Variants in SLC22A23 observed in about 807,000 individuals in gnomAD.
SLC22A23 encodes ion transporter protein.
A neutral mutation model predicts 61.0 loss-of-function variants in SLC22A23; 26 were observed. That is an observed-to-expected ratio of 0.43 (90% CI 0.31 to 0.59). The LOEUF (loss-of-function observed/expected upper bound fraction) is 0.59, where lower values mean the gene tolerates loss of function less well. Among genes scored for constraint, SLC22A23 ranks in the 20% least tolerant of loss-of-function variants. The probability of loss-of-function intolerance (pLI) is 0.11; values close to 1 mark genes in which losing one functional copy is unlikely to be tolerated. For missense variants in SLC22A23, 796 were observed against 934.7 expected (o/e 0.85, Z 1.94); for synonymous variants, 430 against 413.9 (o/e 1.04, Z -0.47).
At chr6:3,412,345 A>T (rs766791943) in intron 2 of SLC22A23, among the ~76,000 whole-genome samples, 17 of 152,328 alleles carry the variant, frequency 1.1e-4, no homozygotes, top group Non-Finnish European at 8.8e-5. Context: ...CTTCTGAACT[A>T]TGTGACCTTG....
intron 3 of SLC22A23, among the ~76,000 whole-genome samples, chr6:3,341,779 G>A (rs1168968466): frequency 2.6e-5 from 4 of 151,980 alleles, no homozygotes; most frequent in African/African-American, 9.7e-5. Flanking sequence ...CAAGCGAGGG[G>A]GGTGGGGGCG....
chr6:3,444,647 T>A (rs1263068609), intron 1 of SLC22A23, among the ~76,000 whole-genome samples: 20 of 152,210 alleles, frequency 1.3e-4, no homozygotes. Context: ...AGGCCTTGGC[T>A]ACCCAGGAAG....
intron 1 of SLC22A23, chr6:3,439,207 G>A: frequency 2.7e-6 from 1 of 370,820 alleles, no homozygotes; most frequent in East Asian, 7.7e-5. Context: ...GGCGCCAGTA[G>A]CACCCTCCCC....
intron 3 of SLC22A23, among the ~76,000 whole-genome samples, chr6:3,351,062 G>A (rs941052552): frequency 2.0e-5 from 3 of 152,060 alleles, no homozygotes; most frequent in Non-Finnish European, 4.4e-5. Flanking sequence ...AGGCCAGGCC[G>A]ATTTGAACAA....
intron 3 of SLC22A23, among the ~76,000 whole-genome samples, chr6:3,396,121 T>G (rs1213186687): frequency 2.6e-5 from 4 of 152,182 alleles, no homozygotes; most frequent in Admixed American, 2.6e-4. Context: ...GCTCCATCTC[T>G]TAGTGATATA....
At position 3,328,294 on chromosome 6, in the gene SLC22A23, C is replaced by G. The variant is rs1411460310; in HGVS notation, c.914-4292G>C. 6.6e-6 allele frequency among the ~76,000 whole-genome samples: 1 copy of G among 152,028 alleles called. No homozygotes were observed. Among genetic ancestry groups the G allele is most frequent in the Non-Finnish European group, 1.5e-5 (1 of 68,018 alleles). On this transcript the variant is annotated intron_variant, in intron 3 of 9. Transcript: ENST00000406686. This position sits in a 1 kb window ranked among gnomAD's most constrained non-coding sequence, Gnocchi z 5.0. ...TGACTAAGTCTGAGCACAGAGGCCG[C>G]CCGGAGGCTTTGATAGAAAAGTGGC...
At chr6:3,315,449 G>A (rs1428257256) in intron 4 of SLC22A23, among the ~76,000 whole-genome samples, 2 of 152,154 alleles carry the variant, frequency 1.3e-5, no homozygotes, top group Non-Finnish European at 2.9e-5. Flanking sequence ...TCTGCTGTCC[G>A]AGATGGTCAA....
rs895963492 is a variant in SLC22A23, at chr6:3,342,797, CA to C, written c.914-18796del. The stretch of plus-strand genomic sequence containing the variant: ...GCTTGGGGCCTGTGAATTAAACTGA[CA>C]AAAGACAGGCTGGCAAGAGGAAAGA... On this transcript the variant is annotated intron_variant, in intron 3 of 9. Coordinates refer to ENST00000406686, the MANE Select transcript of SLC22A23 (RefSeq NM_015482.2). The surrounding 1 kb of genome is among the most constrained non-coding windows in gnomAD (Gnocchi z 4.0). Among the ~76,000 whole-genome samples, 1 of 152,138 alleles carries C rather than the reference CA, an allele frequency of 6.6e-6. No homozygotes were observed. The highest frequency in any genetic ancestry group is 2.4e-5 in the African/African-American group (1 of 41,412).
chr6:3,355,186 A>T (rs1171598831), intron 3 of SLC22A23, among the ~76,000 whole-genome samples: 2 of 137,488 alleles, frequency 1.5e-5, no homozygotes, highest in Non-Finnish European at 3.2e-5. Context: ...CTCCCCAGCT[A>T]AAAAAAAAAA....
At chr6:3,395,858 T>C (rs913582490) in intron 3 of SLC22A23, among the ~76,000 whole-genome samples, 1 of 152,238 alleles carries the variant, frequency 6.6e-6, no homozygotes, top group South Asian at 2.1e-4. Context: ...GAAAAGACTA[T>C]TGTCCATCAC....
At position 3,386,624 on chromosome 6, in the gene SLC22A23, G is replaced by A. The variant is rs778869221; in HGVS notation, c.913+23564C>T. Among the ~76,000 whole-genome samples, 13 of 152,218 alleles carry A rather than the reference G, an allele frequency of 8.5e-5. No homozygotes were observed. The highest frequency in any genetic ancestry group is 1.2e-4 in the African/African-American group (5 of 41,460). ...TGCCAAGCGTGGCTGGGGACAGCCC[G>A]AGAGCTCAGAACGGCCTTCCAGGGC... On this transcript the variant is annotated intron_variant, in intron 3 of 9. Coordinates refer to ENST00000406686, the MANE Select transcript of SLC22A23 (RefSeq NM_015482.2). The surrounding 1 kb of genome is among the most constrained non-coding windows in gnomAD (Gnocchi z 4.4).
At position 3,456,681 on chromosome 6, in the gene SLC22A23, C is replaced by G. The variant is rs1266512489; in HGVS notation, c.-122G>C. ...CTGCCGCCGAGGAGGGCCCGCGGCT[C>G]GAGAGAGAGCGCTCGGCGGCTCCGG... is the stretch of plus-strand genomic sequence containing the variant. On this transcript the variant is annotated 5_prime_UTR_variant, in exon 1 of 10. Transcript: ENST00000406686. This position sits in a 1 kb window ranked among gnomAD's most constrained non-coding sequence, Gnocchi z 7.1. 2.1e-5 allele frequency: 13 copies of G among 605,050 alleles called. No homozygotes were observed. Among genetic ancestry groups the G allele is most frequent in the Non-Finnish European group, 2.5e-5 (12 of 485,214 alleles). The allele number at this position is 605,050 out of a possible 1,614,324, so 37.5% of individuals were successfully genotyped here.
intron 3 of SLC22A23, among the ~76,000 whole-genome samples, chr6:3,384,283 G>T (rs4959820): frequency 6.6e-6 from 1 of 152,016 alleles, no homozygotes; most frequent in African/African-American, 2.4e-5. Flanking sequence ...CCTATCATAC[G>T]TCTGCTTTAT....
At position 3,333,717 on chromosome 6, in the gene SLC22A23, C is replaced by T. The variant is rs957057587; in HGVS notation, c.914-9715G>A. 6.6e-6 allele frequency among the ~76,000 whole-genome samples: 1 copy of T among 152,202 alleles called. No individual in the cohort carries two copies. Among genetic ancestry groups the T allele is most frequent in the Non-Finnish European group, 1.5e-5 (1 of 68,036 alleles). ...CACACAGAGGAGAGTGCCTCCCCGA[C>T]AGTGGTTTGCAAGTGTGGCCCCAGA... On this transcript the variant is annotated intron_variant, in intron 3 of 9. Transcript: ENST00000406686. This position sits in a 1 kb window ranked among gnomAD's most constrained non-coding sequence, Gnocchi z 4.1.
chr6:3,404,641 C>G (rs904216885), intron 3 of SLC22A23, among the ~76,000 whole-genome samples: 2 of 152,170 alleles, frequency 1.3e-5, no homozygotes, highest in Non-Finnish European at 2.9e-5. Flanking sequence ...GTGGCCCTGC[C>G]TAACTGGCCA....
Position 3,410,338 on chromosome 6 carries a change from C to T in SLC22A23, c.763G>A (p.Gly255Ser), listed in dbSNP as rs755895821. 4.4e-6 allele frequency: 7 copies of T among 1,604,352 alleles called. No homozygotes were observed. The highest frequency in any genetic ancestry group is 1.1e-5 in the South Asian group (1 of 89,376). The change falls in exon 3 of 10, where the codon GGC becomes AGC. Residue 255 changes from glycine (G) to serine (S), a missense_variant. By Grantham distance (56) the Gly-to-Ser change is moderately conservative. Coordinates refer to ENST00000406686, the MANE Select transcript of SLC22A23 (RefSeq NM_015482.2). This position sits in a 1 kb window ranked among gnomAD's most constrained non-coding sequence, Gnocchi z 5.0. ...LITGCIADWVGRRPVLLFSII... is the reference protein window; with the variant it reads ...LITGCIADWVSRRPVLLFSII... Reference sequence around the variant, plus strand: ...GAAAACAGCAGCACAGGCCGCCGGCCGACCCTGCATATGGAGAGGGAAAAA... The same window carrying T: ...GAAAACAGCAGCACAGGCCGCCGGCTGACCCTGCATATGGAGAGGGAAAAA...
chr6:3,435,388 C>A (rs1484340650), intron 1 of SLC22A23, among the ~76,000 whole-genome samples: 3 of 151,966 alleles, frequency 2.0e-5, no homozygotes, highest in Non-Finnish European at 4.4e-5. Context: ...CCTTTTCCCC[C>A]TTTCCTTTCC....
At chr6:3,341,766 T>C (rs1176225701) in intron 3 of SLC22A23, among the ~76,000 whole-genome samples, 2 of 134,740 alleles carry the variant, frequency 1.5e-5, no homozygotes, top group South Asian at 4.9e-4. Flanking sequence ...GAAGCTTCCC[T>C]GTCAAGCGAG....
intron 3 of SLC22A23, among the ~76,000 whole-genome samples, chr6:3,356,116 C>A (rs1279466183): frequency 1.9e-4 from 2 of 10,740 alleles, no homozygotes; most frequent in Admixed American, 1.2e-3. Context: ...TGGGTGGAGG[C>A]GGGAGGGTGG....
Sources: gnomAD v4.1 joint callset for allele counts (sites outside exome capture counted in the v4.1 genomes callset) on GRCh38, gnomAD v4.1.1 for gene constraint, Gnocchi (gnomAD v3.1) non-coding constraint, MANE v1.5 for transcripts, NCBI Gene and HGNC (gene_info 2026-07-23, HGNC 2026-07-21) for gene names.